DIP2B: variants seen among roughly 807,000 people sequenced by gnomAD.
DIP2B encodes the protein DIP2 acetate--CoA ligase B (putative).
DIP2B carries 76 observed loss-of-function variants against 198.0 expected under a neutral mutation model. The ratio of observed to expected loss-of-function variants is 0.38; its 90% CI spans 0.32 to 0.46. DIP2B has a LOEUF of 0.46. Among genes scored for constraint, DIP2B ranks in the 20% least tolerant of loss-of-function variants. The probability of loss-of-function intolerance (pLI) is 0.99; values close to 1 mark genes in which losing one functional copy is unlikely to be tolerated. For synonymous variants in DIP2B, 701 were observed against 739.1 expected (o/e 0.95, Z 0.84); for missense variants, 1,559 against 1,978.4 (o/e 0.79, Z 4.02).
chr12:50,724,342 T>G (rs1483190871), intron 27 of DIP2B, among the ~76,000 whole-genome samples: 1 of 152,156 alleles, frequency 6.6e-6, no homozygotes, highest in Non-Finnish European at 1.5e-5. Flanking sequence ...TTCCTTAGGT[T>G]CAGTGTATGG....
intron 8 of DIP2B, chr12:50,680,272 A>AAC (rs952593628): frequency 6.5e-6 from 1 of 153,608 alleles, no homozygotes; most frequent in African/African-American, 2.4e-5. Flanking sequence ...AAAAAAAAAA[A>AAC]AAAAAAAAAA....
chr12:50,695,803 C>A, intron 15 of DIP2B, 45 bp from the exon 16 acceptor site: 1 of 1,607,472 alleles, frequency 6.2e-7, no homozygotes, highest in South Asian at 1.1e-5. Flanking sequence ...TACATATGTC[C>A]CAAATTTATT....
At chr12:50,658,225 C>T (rs7302435) in intron 3 of DIP2B, among the ~76,000 whole-genome samples, 48,450 of 151,376 alleles carry the variant, frequency 0.32, 7,909 homozygotes, top group South Asian at 0.39. Flanking sequence ...CAACCTCCGC[C>T]TGCTGGGTTC....
chr12:50,728,796 T>G, intron 30 of DIP2B, 118 bp downstream of exon 30: 8 of 1,367,352 alleles, frequency 5.9e-6, no homozygotes, highest in Non-Finnish European at 7.8e-6. Flanking sequence ...TGCTAGTGTT[T>G]CCAGAATTTA....
chr12:50,628,284 T>A (rs1262133764), intron 2 of DIP2B, among the ~76,000 whole-genome samples: 1 of 151,820 alleles, frequency 6.6e-6, no homozygotes, highest in African/African-American at 2.4e-5. Flanking sequence ...GACAGGAAAA[T>A]TGCTTGAACC....
intron 1 of DIP2B, among the ~76,000 whole-genome samples, chr12:50,536,421 C>G (rs1958267974): frequency 1.3e-5 from 2 of 151,892 alleles, no homozygotes; most frequent in South Asian, 2.1e-4. Flanking sequence ...ATGCCACAGC[C>G]TGGGCAACAG....
Position 50,689,627 on chromosome 12 carries a change from A to C in DIP2B, c.1552-1422A>C, listed in dbSNP as rs114111311. 3.3e-3 allele frequency among the ~76,000 whole-genome samples: 501 copies of C among 152,304 alleles called. 6 individuals are homozygous for C. Among genetic ancestry groups the C allele is most frequent in the African/African-American group, 0.011 (473 of 41,568 alleles). ...AGTTTCCAGGGGCAGGGACGGGGGT[A>C]AAGAAGTCAGTGATGGATATATGAG... On this transcript the variant is annotated intron_variant, in intron 12 of 37. Coordinates refer to ENST00000301180, the MANE Select transcript of DIP2B (RefSeq NM_173602.3).
intron 1 of DIP2B, among the ~76,000 whole-genome samples, chr12:50,560,240 A>G (rs1958507269): frequency 6.6e-6 from 1 of 151,936 alleles, no homozygotes; most frequent in African/African-American, 2.4e-5. Flanking sequence ...TAAAAATACA[A>G]AAAAATTAGC....
At chr12:50,622,566 C>T (rs937297180) in intron 1 of DIP2B, among the ~76,000 whole-genome samples, 2 of 152,182 alleles carry the variant, frequency 1.3e-5, no homozygotes, top group African/African-American at 2.4e-5. Flanking sequence ...GCACACTTTT[C>T]CAGTGCATAC....
chr12:50,568,622 G>C (rs766524826), intron 1 of DIP2B, among the ~76,000 whole-genome samples: 1 of 152,148 alleles, frequency 6.6e-6, no homozygotes, highest in Admixed American at 6.5e-5. Context: ...AGGAAACTCA[G>C]TGGAATTGTA....
intron 14 of DIP2B, among the ~76,000 whole-genome samples, chr12:50,693,852 G>A (rs1273601192): frequency 6.6e-6 from 1 of 152,152 alleles, no homozygotes; most frequent in South Asian, 2.1e-4. Flanking sequence ...TCTTGCAGTA[G>A]TATCTTGGTT....
At chr12:50,717,486 C>T (rs940932535) in intron 23 of DIP2B, among the ~76,000 whole-genome samples, 1 of 151,692 alleles carries the variant, frequency 6.6e-6, no homozygotes, top group African/African-American at 2.4e-5. Flanking sequence ...CTGCCTCAGC[C>T]TCCCAAGCAG....
Position 50,628,918 on chromosome 12 carries a change from G to A in DIP2B, c.172+2871G>A, listed in dbSNP as rs111377377. On this transcript the variant is annotated intron_variant, in intron 2 of 37. Coordinates refer to ENST00000301180, the MANE Select transcript of DIP2B (RefSeq NM_173602.3). ...GTTTTGAGCAGGGTCTGGCTCTGTC[G>A]CCCAGGCTGGAGTGCAGTGGTGTGA... Among the ~76,000 whole-genome samples, 1,418 of 152,004 alleles carry A rather than the reference G, an allele frequency of 9.3e-3. 14 individuals carry two copies. The highest frequency in any genetic ancestry group is 0.065 in the Middle Eastern group (19 of 294).
chr12:50,742,062 A>G (rs1182671141), intron 37 of DIP2B, among the ~76,000 whole-genome samples: 2 of 152,232 alleles, frequency 1.3e-5, no homozygotes, highest in African/African-American at 4.8e-5. Context: ...TCCCTGATAA[A>G]GGATCGTCCA....
chr12:50,730,872 C>T (rs1269989132), intron 30 of DIP2B, among the ~76,000 whole-genome samples: 1 of 152,208 alleles, frequency 6.6e-6, no homozygotes, highest in Non-Finnish European at 1.5e-5. Context: ...CTACCACTCC[C>T]CTACCCTGGC....
chr12:50,730,356 TTTTG>T (rs1002586182), intron 30 of DIP2B, among the ~76,000 whole-genome samples: 12 of 148,956 alleles, frequency 8.1e-5, no homozygotes, highest in Admixed American at 2.1e-4. Context: ...CTCTTTCTTT[TTTTG>T]TTTCTTTCTT....
chr12:50,521,267 C>T (rs555785339), intron 1 of DIP2B, among the ~76,000 whole-genome samples: 12 of 151,436 alleles, frequency 7.9e-5, no homozygotes, highest in African/African-American at 2.4e-4. Flanking sequence ...CCCCCACACC[C>T]TGCTAATTTT....
chr12:50,653,048 A>G (rs1001753159), intron 3 of DIP2B, among the ~76,000 whole-genome samples: 1 of 151,684 alleles, frequency 6.6e-6, no homozygotes, highest in African/African-American at 2.4e-5. Context: ...GGCTCAAGTG[A>G]TCCTCTTCTT....
intron 18 of DIP2B, 59 bp downstream of exon 18, chr12:50,698,526 A>G: frequency 1.9e-6 from 3 of 1,565,154 alleles, no homozygotes; most frequent in Non-Finnish European, 2.6e-6. Flanking sequence ...GAGATAATAG[A>G]GCCTGATAAA....
Sources: gnomAD v4.1 joint callset for allele counts (sites outside exome capture counted in the v4.1 genomes callset) on GRCh38, gnomAD v4.1.1 for gene constraint, MANE v1.5 for transcripts, NCBI Gene and HGNC (gene_info 2026-07-23, HGNC 2026-07-21) for gene names.